BRAF: variants seen among roughly 807,000 people sequenced by gnomAD.
BRAF encodes B-Raf proto-oncogene, serine/threonine kinase.
A neutral mutation model predicts 104.6 loss-of-function variants in BRAF; 16 were observed. That is an observed-to-expected ratio of 0.15 (90% CI 0.10 to 0.23). The LOEUF (loss-of-function observed/expected upper bound fraction) is 0.23. BRAF is among the 10% of genes least tolerant of loss of function. BRAF has a pLI of 1.00. For missense variants in BRAF, 541 were observed against 937.3 expected, an observed-to-expected ratio of 0.58 and a Z score of 5.52; for synonymous variants, 310 against 341.6, an observed-to-expected ratio of 0.91 and a Z score of 1.02.
At chr7:140,915,196 A>G (rs965985358) in intron 1 of BRAF, among the ~76,000 whole-genome samples, 1 of 152,134 alleles carries the variant, frequency 6.6e-6, no homozygotes, top group Non-Finnish European at 1.5e-5. Flanking sequence ...AAGGTAAAAA[A>G]TACAGTTTAA....
chr7:140,855,245 T>C (rs534149853), intron 1 of BRAF, among the ~76,000 whole-genome samples: 4 of 151,656 alleles, frequency 2.6e-5, no homozygotes, highest in Non-Finnish European at 5.9e-5. Context: ...AACATCTTCT[T>C]GGAAAAAAAA....
At chr7:140,719,244 GTCTCT>G, downstream of BRAF, 1 of 507,276 alleles carries the variant, frequency 2.0e-6, no homozygotes, top group Non-Finnish European at 2.6e-6. Context: ...ACATTTCTCA[GTCTCT>G]CCATTGTCTA....
intron 1 of BRAF, among the ~76,000 whole-genome samples, chr7:140,867,745 A>G (rs1440930620): frequency 6.6e-6 from 1 of 152,188 alleles, no homozygotes; most frequent in Non-Finnish European, 1.5e-5. Context: ...AAGGGAAACA[A>G]ATGCAAAAAG....
intron 3 of BRAF, among the ~76,000 whole-genome samples, chr7:140,815,077 C>T (rs1384943045): frequency 6.6e-6 from 1 of 151,380 alleles, no homozygotes; most frequent in African/African-American, 2.4e-5. Flanking sequence ...AATTACATAG[C>T]TTTCTGATTT....
At chr7:140,865,942 G>C (rs1217960775) in intron 1 of BRAF, among the ~76,000 whole-genome samples, 1 of 152,150 alleles carries the variant, frequency 6.6e-6, no homozygotes, top group African/African-American at 2.4e-5. Context: ...TAAAGTTTCA[G>C]GGATGGCAGG....
chr7:140,759,134 T>C (rs542816179), intron 14 of BRAF, among the ~76,000 whole-genome samples: 1 of 152,362 alleles, frequency 6.6e-6, no homozygotes, highest in Admixed American at 6.5e-5. Flanking sequence ...GGACACTGTG[T>C]TGTTCCTAGT....
intron 1 of BRAF, among the ~76,000 whole-genome samples, chr7:140,865,616 G>A (rs1029504768): frequency 6.6e-5 from 10 of 152,160 alleles, no homozygotes; most frequent in African/African-American, 2.4e-4. Flanking sequence ...GAATTATGTG[G>A]ACTGTGATGA....
intron 1 of BRAF, among the ~76,000 whole-genome samples, chr7:140,878,712 T>C (rs772047115): frequency 3.3e-5 from 5 of 152,176 alleles, no homozygotes; most frequent in Non-Finnish European, 7.3e-5. Context: ...TAACAATTTA[T>C]CATATATTTC....
intron 3 of BRAF, among the ~76,000 whole-genome samples, chr7:140,811,883 T>C (rs930612885): frequency 2.0e-4 from 31 of 152,276 alleles, no homozygotes; most frequent in African/African-American, 7.0e-4. Context: ...CCATAACTAC[T>C]ACGAACAATG....
chr7:140,714,621 A>G (rs971979423), downstream of BRAF, among the ~76,000 whole-genome samples: 1 of 152,152 alleles, frequency 6.6e-6, no homozygotes, highest in Admixed American at 6.5e-5. Context: ...TTGGCTTCCC[A>G]AAGTGCTGAG....
chr7:140,793,323 C>G (rs1356740946), intron 8 of BRAF, among the ~76,000 whole-genome samples: 2 of 152,248 alleles, frequency 1.3e-5, no homozygotes, highest in African/African-American at 4.8e-5. Context: ...TCCTTTTCCC[C>G]TTTCTTCCTT....
intron 1 of BRAF, among the ~76,000 whole-genome samples, chr7:140,895,659 TA>T (rs1189944852): frequency 2.0e-5 from 3 of 152,202 alleles, no homozygotes; most frequent in Non-Finnish European, 4.4e-5. Flanking sequence ...AGCTTCCACA[TA>T]AGAGTGAGAA....
At position 140,924,233 on chromosome 7, in the gene BRAF, G is replaced by A. The variant is rs1464971293; in HGVS notation, c.138+333C>T. On this transcript the variant is annotated intron_variant, in intron 1 of 19. Coordinates refer to ENST00000644969, the MANE Select transcript of BRAF (RefSeq NM_001374258.1). This position sits in a 1 kb window ranked among gnomAD's most constrained non-coding sequence, Gnocchi z 4.2. ...GCCGCCGCCCCCACCCCACAGAGAT[G>A]CAGAGCTGGATACTTCAGCCAATCG... Among the ~76,000 whole-genome samples the A allele has an allele frequency of 1.3e-5, 2 of 151,882 alleles. No homozygotes were observed. The highest frequency in any genetic ancestry group is 2.4e-5 in the African/African-American group (1 of 41,354).
At chr7:140,734,807 G>GAAAAAAAAAAAAAAA in intron 18 of BRAF, 37 bp from the exon 18 acceptor site, 1 of 870,216 alleles carries the variant, frequency 1.1e-6, no homozygotes, top group Admixed American at 5.1e-5. Flanking sequence ...GAAAAAAAAA[G>GAAAAAAAAAAAAAAA]AAAAAAGAAA....
At chr7:140,883,759 G>A (rs1813208506) in intron 1 of BRAF, among the ~76,000 whole-genome samples, 1 of 152,174 alleles carries the variant, frequency 6.6e-6, no homozygotes, top group African/African-American at 2.4e-5. Flanking sequence ...TGTATGTGCT[G>A]TGTATATAAA....
At chr7:140,753,472 G>A (rs2128998725) in intron 15 of BRAF, 79 bp from the exon 15 acceptor site, 1 of 920,202 alleles carries the variant, frequency 1.1e-6, no homozygotes, top group Non-Finnish European at 1.8e-6. Context: ...TTAGGTAAGA[G>A]ATCTAATTTC....
chr7:140,799,257 TACTTCTAGCACTTGA>T (rs972417744), intron 7 of BRAF: 11 of 231,680 alleles, frequency 4.7e-5, no homozygotes, highest in African/African-American at 2.4e-4. Context: ...CCCTTTTCCA[TACTTCTAGCACTTGA>T]ACTTGTCTTC....
intron 3 of BRAF, among the ~76,000 whole-genome samples, chr7:140,831,309 C>T (rs902318985): frequency 3.3e-5 from 5 of 152,090 alleles, no homozygotes; most frequent in South Asian, 4.1e-4. Context: ...TGGGTACAGA[C>T]GTGAGAAGAA....
At position 140,723,349 on chromosome 7, in the gene BRAF, T is replaced by A. The variant is rs1008171522; in HGVS notation, c.*3145A>T. On this transcript the variant is annotated 3_prime_UTR_variant, in exon 20 of 20. Coordinates refer to ENST00000644969, the MANE Select transcript of BRAF (RefSeq NM_001374258.1). ...TGAATTATTTCTTTATATACTGCTC[T>A]TTCTTCTCCAACACCAACATAAATA... 9 of 1,055,718 alleles carry A rather than the reference T, an allele frequency of 8.5e-6. No homozygotes were observed. The highest frequency in any genetic ancestry group is 1.0e-5 in the Non-Finnish European group (9 of 873,390). The allele number at this position is 1,055,718 out of a possible 1,614,324, so 65.4% of individuals were successfully genotyped here.
Sources: allele counts gnomAD v4.1 joint callset (sites outside exome capture counted in the v4.1 genomes callset), GRCh38; gene constraint gnomAD v4.1.1; non-coding constraint Gnocchi (gnomAD v3.1); transcripts MANE v1.5; gene names NCBI Gene and HGNC (gene_info 2026-07-23, HGNC 2026-07-21).